The following PRKCA variants were observed in gnomAD, a reference collection of about 807,000 sequenced individuals.
PRKCA encodes the protein protein kinase C alpha type.
In PRKCA, 27 loss-of-function variants were observed where a neutral mutation model predicts 87.0. The ratio of observed to expected loss-of-function variants is 0.31; its 90% CI spans 0.23 to 0.43. The LOEUF is 0.43. Ranked by LOEUF, PRKCA falls within the 20% of genes least tolerant of loss-of-function variation. PRKCA has a pLI of 1.00. For missense variants in PRKCA, 518 were observed against 852.3 expected (o/e 0.61, Z 4.88); for synonymous variants, 329 against 311.1 (o/e 1.06, Z -0.61).
chr17:66,665,907 A>G (rs949296407), intron 5 of PRKCA, among the ~76,000 whole-genome samples: 2 of 152,206 alleles, frequency 1.3e-5, no homozygotes, highest in Non-Finnish European at 2.9e-5. Flanking sequence ...ATCTGAAGAC[A>G]GAGGAGTGGC....
At chr17:66,477,044 G>A (rs62070454) in intron 2 of PRKCA, among the ~76,000 whole-genome samples, 32,312 of 152,004 alleles carry the variant, frequency 0.21, 3,636 homozygotes, top group Middle Eastern at 0.25. Context: ...TGGAGAATAG[G>A]GGTGTGCAGA....
intron 3 of PRKCA, among the ~76,000 whole-genome samples, chr17:66,536,946 C>T (rs920555248): frequency 1.1e-4 from 16 of 152,186 alleles, no homozygotes; most frequent in Non-Finnish European, 2.2e-4. Flanking sequence ...CCTGTAAAAT[C>T]CTCTCCACCA....
At chr17:66,318,430 T>C (rs9910577) in intron 2 of PRKCA, among the ~76,000 whole-genome samples, 89,369 of 151,800 alleles carry the variant, frequency 0.59, 26,403 homozygotes, top group South Asian at 0.64. Context: ...ACTTATTTTG[T>C]ACAACTAGGC....
intron 5 of PRKCA, among the ~76,000 whole-genome samples, chr17:66,670,910 G>C (rs979844416): frequency 3.3e-5 from 5 of 151,766 alleles, no homozygotes; most frequent in African/African-American, 1.2e-4. Context: ...AAAGAAAACA[G>C]AGTATAGTAA....
chr17:66,738,926 C>T (rs1974098242), intron 11 of PRKCA, 71 bp downstream of exon 11: 2 of 1,212,704 alleles, frequency 1.6e-6, no homozygotes, highest in Non-Finnish European at 2.4e-6. Flanking sequence ...CCTTTTTTCC[C>T]CCCCGCTTGA....
At chr17:66,635,438 G>T (rs1676685745) in intron 3 of PRKCA, among the ~76,000 whole-genome samples, 1 of 152,174 alleles carries the variant, frequency 6.6e-6, no homozygotes, top group Non-Finnish European at 1.5e-5. Flanking sequence ...GCCACATTTT[G>T]CCTGAGCTCT....
intron 1 of PRKCA, among the ~76,000 whole-genome samples, chr17:66,304,027 A>C (rs1598577043): frequency 6.6e-6 from 1 of 152,254 alleles, no homozygotes; most frequent in East Asian, 1.9e-4. Context: ...GACCCTGTCA[A>C]CTCGAGATTA....
chr17:66,781,917 TGAGTGA>T lies in PRKCA; in HGVS notation c.1606-4948_1606-4943del, dbSNP rs1307701345. Among the ~76,000 whole-genome samples the T allele has an allele frequency of 3.3e-4, 47 of 142,416 alleles. 1 individual carries two copies. Among genetic ancestry groups the T allele is most frequent in the African/African-American group, 1.2e-3 (45 of 37,696 alleles). The allele number at this position is 142,416 out of a possible 152,430, so 93.4% of individuals were successfully genotyped here. On this transcript the variant is annotated intron_variant, in intron 14 of 16. Transcript: ENST00000413366. ...GTGTGTGTGTGTGTGTGTGTGTGTG[TGAGTGA>T]GTGTGAGTGTGACAGAGTCTTGCTC...
intron 2 of PRKCA, among the ~76,000 whole-genome samples, chr17:66,466,995 T>A (rs1271357359): frequency 6.6e-6 from 1 of 152,228 alleles, no homozygotes; most frequent in East Asian, 1.9e-4. Context: ...AGCAAAATGA[T>A]GCTCATATTC....
At chr17:66,605,091 C>T (rs914414920) in intron 3 of PRKCA, among the ~76,000 whole-genome samples, 1 of 152,122 alleles carries the variant, frequency 6.6e-6, no homozygotes, top group African/African-American at 2.4e-5. Context: ...TTCATGTGTA[C>T]ATGGGGTTTC....
At chr17:66,733,143 C>T (rs61762453) in intron 9 of PRKCA, among the ~76,000 whole-genome samples, 5 of 122,206 alleles carry the variant, frequency 4.1e-5, no homozygotes, top group South Asian at 3.0e-4. Flanking sequence ...AGTGAGACTC[C>T]GTCTCAAAAA....
intron 16 of PRKCA, among the ~76,000 whole-genome samples, chr17:66,799,064 G>GTGA (rs1975792760): frequency 2.8e-4 from 4 of 14,286 alleles, no homozygotes; most frequent in Admixed American, 5.9e-4. Context: ...GGTGGTGGTG[G>GTGA]TGGTGGTGGT....
chr17:66,634,378 A>G (rs1971099367), intron 3 of PRKCA, among the ~76,000 whole-genome samples: 1 of 152,208 alleles, frequency 6.6e-6, no homozygotes. Context: ...CTTGTGACAT[A>G]TGACAGCAGG....
At chr17:66,765,735 A>G (rs1380843663) in intron 13 of PRKCA, among the ~76,000 whole-genome samples, 1 of 151,952 alleles carries the variant, frequency 6.6e-6, no homozygotes, top group African/African-American at 2.4e-5. Flanking sequence ...GAATAGGGAC[A>G]GTATAGCCAA....
At chr17:66,488,724 A>G (rs540915758) in intron 2 of PRKCA, among the ~76,000 whole-genome samples, 1 of 152,146 alleles carries the variant, frequency 6.6e-6, no homozygotes, top group Non-Finnish European at 1.5e-5. Context: ...TGGATTTTTG[A>G]AAGAGTTCAT....
chr17:66,776,068 A>G lies in PRKCA; in HGVS notation c.1605+2001A>G, dbSNP rs184411074. 3.3e-5 allele frequency among the ~76,000 whole-genome samples: 5 copies of G among 152,364 alleles called. No individual in the cohort carries two copies. In the East Asian group the frequency reaches 9.7e-4, roughly 29 times the overall value. On this transcript the variant is annotated intron_variant, in intron 14 of 16. Coordinates refer to ENST00000413366, the MANE Select transcript of PRKCA (RefSeq NM_002737.3). Reference sequence around the variant, plus strand: ...GAGGGAGCCACCACGCGAAGGCCCTAAGGCCAGGGAATGTGCAGCCACGTT... The same window carrying G: ...GAGGGAGCCACCACGCGAAGGCCCTGAGGCCAGGGAATGTGCAGCCACGTT...
chr17:66,792,222 G>A lies in PRKCA; in HGVS notation c.1854+3243G>A, dbSNP rs956529274. ...AGGACAGGTAGCTGTTCTCACGTGC[G>A]GTGATGCTCCTGGCTCCCATGGAAT... is the stretch of plus-strand genomic sequence containing the variant. On this transcript the variant is annotated intron_variant, in intron 16 of 16. Coordinates refer to ENST00000413366, the MANE Select transcript of PRKCA (RefSeq NM_002737.3). This position sits in a 1 kb window ranked among gnomAD's most constrained non-coding sequence, Gnocchi z 4.5. Among the ~76,000 whole-genome samples, 1 of 152,162 alleles carries A rather than the reference G, an allele frequency of 6.6e-6. No homozygotes were observed. Among genetic ancestry groups the A allele is most frequent in the Non-Finnish European group, 1.5e-5 (1 of 68,016 alleles).
In PRKCA at chr17:66,715,384, G is replaced by C. The variant is rs541020412; in HGVS notation, c.919-17304G>C. On this transcript the variant is annotated intron_variant, in intron 8 of 16. Coordinates refer to ENST00000413366, the MANE Select transcript of PRKCA (RefSeq NM_002737.3). ...TGAACTCTGCCCTCGTGTAACTGTC[G>C]TTACTTCTCACTATTTTCCAGGTCG... Among the ~76,000 whole-genome samples the C allele has an allele frequency of 7.4e-4, 113 of 152,176 alleles. 1 individual carries two copies. Among genetic ancestry groups the C allele is most frequent in the African/African-American group, 2.6e-3 (106 of 41,522 alleles).
intron 8 of PRKCA, among the ~76,000 whole-genome samples, chr17:66,706,477 T>G (rs946356620): frequency 1.1e-5 from 1 of 89,504 alleles, no homozygotes; most frequent in East Asian, 2.9e-4. Context: ...CTACTAAAAA[T>G]ACAAAAAAAA....
Sources: gnomAD v4.1 joint callset for allele counts (sites outside exome capture counted in the v4.1 genomes callset) on GRCh38, gnomAD v4.1.1 for gene constraint, Gnocchi (gnomAD v3.1) non-coding constraint, MANE v1.5 for transcripts, NCBI Gene and HGNC (gene_info 2026-07-23, HGNC 2026-07-21) for gene names.